Variants in SLAIN1 observed in about 807,000 individuals in gnomAD.
SLAIN1 encodes SLAIN motif-containing protein 1.
SLAIN1 carries 17 observed loss-of-function variants against 55.4 expected under a neutral mutation model. That is an observed-to-expected ratio of 0.31 (90% CI 0.21 to 0.46). The LOEUF is 0.46. Among genes scored for constraint, SLAIN1 ranks in the 20% least tolerant of loss-of-function variants. The probability of loss-of-function intolerance (pLI) is 1.00; values close to 1 mark genes in which losing one functional copy is unlikely to be tolerated. For missense variants in SLAIN1, 682 were observed against 785.1 expected (o/e 0.87, Z 1.57); for synonymous variants, 348 against 337.4 (o/e 1.03, Z -0.35).
At chr13:77,737,873 A>T (rs1873204809) in intron 2 of SLAIN1, among the ~76,000 whole-genome samples, 2 of 152,048 alleles carry the variant, frequency 1.3e-5, no homozygotes, top group Non-Finnish European at 2.9e-5. Flanking sequence ...GAAGGAGAGG[A>T]GAACAGTCAC....
intron 5 of SLAIN1, among the ~76,000 whole-genome samples, chr13:77,756,251 T>C (rs2154410903): frequency 6.6e-6 from 1 of 152,214 alleles, no homozygotes; most frequent in African/African-American, 2.4e-5. Context: ...GTTCTGTAAT[T>C]TCATTTCAAA....
At chr13:77,702,202 A>T (rs529955704) in intron 1 of SLAIN1, among the ~76,000 whole-genome samples, 2 of 151,956 alleles carry the variant, frequency 1.3e-5, no homozygotes, top group African/African-American at 2.4e-5. Flanking sequence ...AGTCTTTGCT[A>T]TCGTGAACCT....
chr13:77,732,966 T>A (rs1027935762), intron 2 of SLAIN1, among the ~76,000 whole-genome samples: 7 of 152,156 alleles, frequency 4.6e-5, no homozygotes, highest in African/African-American at 1.4e-4. Flanking sequence ...AGATGTGTGA[T>A]CGTGCAGTGG....
chr13:77,733,701 T>A (rs1404716375), intron 2 of SLAIN1, among the ~76,000 whole-genome samples: 1 of 152,196 alleles, frequency 6.6e-6, no homozygotes, highest in African/African-American at 2.4e-5. Context: ...GACAAATACA[T>A]TACAGTTGAA....
At chr13:77,760,167 T>TA (rs1162037487) in intron 5 of SLAIN1, among the ~76,000 whole-genome samples, 2 of 152,164 alleles carry the variant, frequency 1.3e-5, no homozygotes, top group African/African-American at 4.8e-5. Context: ...AGAAAGGGAT[T>TA]AAAAAATTTA....
chr13:77,736,057 C>T (rs979844246), intron 2 of SLAIN1, among the ~76,000 whole-genome samples: 1 of 152,022 alleles, frequency 6.6e-6, no homozygotes, highest in African/African-American at 2.4e-5. Context: ...GGCAGGCACA[C>T]GCTAACATTT....
At position 77,698,245 on chromosome 13, in the gene SLAIN1, G is replaced by C; in HGVS notation, c.332G>C (p.Gly111Ala). ...GGCGCGGGGGGCGGTGGCGGCAGCG[G>C]TAGTGGCAGCGGCGGTGGCTCCAGC... is the stretch of plus-strand genomic sequence containing the variant. Reference protein sequence around the residue: ...ALGAGGGGGSGSGSGGGSSPA... With the variant: ...ALGAGGGGGSASGSGGGSSPA... The change falls in exon 1 of 7, where the codon GGT becomes GCT. Residue 111 changes from glycine (G) to alanine (A), a missense_variant. Gly to Ala is a moderately conservative substitution (Grantham distance 60, BLOSUM62 0). Coordinates refer to ENST00000418532, the MANE Select transcript of SLAIN1 (RefSeq NM_001242868.2). This position sits in a 1 kb window ranked among gnomAD's most constrained non-coding sequence, Gnocchi z 4.1. The C allele has an allele frequency of 7.2e-7, 1 of 1,381,608 alleles. No homozygotes were observed. The highest frequency in any genetic ancestry group is 3.3e-5 in the East Asian group (1 of 30,622). The allele number at this position is 1,381,608 out of a possible 1,614,324, so 85.6% of individuals were successfully genotyped here.
intron 3 of SLAIN1, among the ~76,000 whole-genome samples, chr13:77,745,912 GT>G (rs1873780597): frequency 6.6e-6 from 1 of 151,968 alleles, no homozygotes; most frequent in Admixed American, 6.6e-5. Context: ...GAACTTTGTA[GT>G]TTGACTATTT....
intron 1 of SLAIN1, among the ~76,000 whole-genome samples, chr13:77,703,626 C>A (rs2091052624): frequency 6.6e-6 from 1 of 151,778 alleles, no homozygotes; most frequent in Non-Finnish European, 1.5e-5. Context: ...TATAGGACAG[C>A]TTAGTAAGTA....
chr13:77,746,863 G>T lies in SLAIN1; in HGVS notation c.1258+8G>T, dbSNP rs769264114. ...CAAATAGGACCAATGGAGGTAGGTTGTATGCTTTTTTGGTATTTGATATGC... is the reference window on the plus strand; with the variant it reads ...CAAATAGGACCAATGGAGGTAGGTTTTATGCTTTTTTGGTATTTGATATGC... On this transcript the variant is annotated splice_region_variant and intron_variant, in intron 4 of 6. Transcript: ENST00000418532. 5.1e-5 allele frequency: 81 copies of T among 1,590,658 alleles called. No homozygotes were observed. Among genetic ancestry groups the T allele is most frequent in the Non-Finnish European group, 6.7e-5 (78 of 1,166,376 alleles).
At chr13:77,705,593 G>C (rs1393563727) in intron 1 of SLAIN1, among the ~76,000 whole-genome samples, 1 of 151,438 alleles carries the variant, frequency 6.6e-6, no homozygotes, top group African/African-American at 2.4e-5. Flanking sequence ...TGAATAAAGT[G>C]ATTTTTAAAA....
chr13:77,738,540 T>C (rs1053507867), intron 2 of SLAIN1, among the ~76,000 whole-genome samples: 2 of 152,064 alleles, frequency 1.3e-5, no homozygotes, highest in Admixed American at 1.3e-4. Flanking sequence ...ATGCATTAAG[T>C]ATTTTTCCTA....
chr13:77,711,381 G>C (rs1426964706), intron 1 of SLAIN1, among the ~76,000 whole-genome samples: 2 of 152,140 alleles, frequency 1.3e-5, no homozygotes, highest in Non-Finnish European at 2.9e-5. Context: ...AATAAAAAAT[G>C]ATAAAGGGGA....
At chr13:77,753,787 TTC>T (rs1453754307) in intron 5 of SLAIN1, among the ~76,000 whole-genome samples, 1 of 152,170 alleles carries the variant, frequency 6.6e-6, no homozygotes, top group Non-Finnish European at 1.5e-5. Flanking sequence ...GCACACTTAA[TTC>T]TGTTTAGCCG....
chr13:77,713,577 T>C (rs1471405723), intron 1 of SLAIN1, among the ~76,000 whole-genome samples: 1 of 151,822 alleles, frequency 6.6e-6, no homozygotes, highest in African/African-American at 2.4e-5. Flanking sequence ...TTGGTGGGAG[T>C]GTAAATTAGT....
At chr13:77,708,884 C>T (rs563074350) in intron 1 of SLAIN1, among the ~76,000 whole-genome samples, 1 of 152,100 alleles carries the variant, frequency 6.6e-6, no homozygotes, top group Non-Finnish European at 1.5e-5. Context: ...TCCTTGCCAG[C>T]AAGGGAACAA....
In SLAIN1 at chr13:77,753,286, G is replaced by A. The variant is rs374816764; in HGVS notation, c.1342G>A (p.Val448Met). The A allele has an allele frequency of 5.1e-5, 82 of 1,612,970 alleles. 2 individuals are homozygous for A. In the South Asian group the frequency reaches 7.4e-4, roughly 14 times the overall value. The change falls in exon 5 of 7, where the codon GTG (valine) becomes ATG (methionine). Residue 448 changes from valine to methionine, a missense_variant. Val to Met is a conservative substitution (Grantham distance 21). Around this residue, in one of 3 missense-constraint regions of SLAIN1, gnomAD observed 244 missense variants for 295.2 expected, o/e 0.83. Coordinates refer to ENST00000418532, the MANE Select transcript of SLAIN1 (RefSeq NM_001242868.2). ...ISSNISSPVT[V>M]RNSQSFDSSL... is the part of the protein sequence containing the mutation. ...TAGCAACATTAGTTCTCCGGTCACCGTGCGAAATAGTCAGAGTTTTGACTC... is the reference window on the plus strand; with the variant it reads ...TAGCAACATTAGTTCTCCGGTCACCATGCGAAATAGTCAGAGTTTTGACTC...
chr13:77,745,576 C>T (rs948374243), intron 3 of SLAIN1, among the ~76,000 whole-genome samples: 1 of 152,032 alleles, frequency 6.6e-6, no homozygotes, highest in African/African-American at 2.4e-5. Flanking sequence ...TCAAAAGGCA[C>T]AGAACTGGAG....
intron 1 of SLAIN1, among the ~76,000 whole-genome samples, chr13:77,710,308 A>G (rs893323963): frequency 1.3e-5 from 2 of 152,140 alleles, no homozygotes; most frequent in East Asian, 1.9e-4. Flanking sequence ...GTCAAGACCC[A>G]TTGGTGTGCT....
Sources: gnomAD v4.1 joint callset for allele counts (sites outside exome capture counted in the v4.1 genomes callset) on GRCh38, gnomAD v4.1.1 for gene constraint, gnomAD v4.1.1 regional missense constraint, Gnocchi (gnomAD v3.1) non-coding constraint, MANE v1.5 for transcripts, NCBI Gene and HGNC (gene_info 2026-07-23, HGNC 2026-07-21) for gene names.